CAAP1: variants seen among roughly 807,000 people sequenced by gnomAD.
CAAP1 encodes conserved anti-apoptotic protein.
A neutral mutation model predicts 34.0 loss-of-function variants in CAAP1; 20 were observed. The observed-to-expected ratio is 0.59, with a 90% CI of 0.41 to 0.86. The LOEUF (loss-of-function observed/expected upper bound fraction) is 0.86, where lower values mean the gene tolerates loss of function less well. Ranked by LOEUF, CAAP1 falls within the 40% of genes least tolerant of loss-of-function variation. CAAP1 has a pLI of 0.00. For missense variants in CAAP1, 538 were observed against 450.5 expected (o/e 1.19, Z -1.76); for synonymous variants, 213 against 166.7 (o/e 1.28, Z -2.14).
intron 5 of CAAP1, among the ~76,000 whole-genome samples, chr9:26,855,309 T>C (rs1313115845): frequency 6.6e-6 from 1 of 152,144 alleles, no homozygotes; most frequent in African/African-American, 2.4e-5. Flanking sequence ...CGATCAGTGG[T>C]TGTCAGGAGT....
chr9:26,881,632 A>G (rs1276481933), intron 4 of CAAP1, among the ~76,000 whole-genome samples: 2 of 152,192 alleles, frequency 1.3e-5, no homozygotes, highest in Non-Finnish European at 2.9e-5. Context: ...TTTCCTTATA[A>G]ATTACCCAGT....
chr9:26,877,052 G>C (rs1381998632), intron 4 of CAAP1, among the ~76,000 whole-genome samples: 2 of 152,108 alleles, frequency 1.3e-5, no homozygotes, highest in Non-Finnish European at 2.9e-5. Context: ...TGCTTGGGAA[G>C]CTGAGGCGGA....
intron 5 of CAAP1, among the ~76,000 whole-genome samples, chr9:26,857,013 A>G (rs971190397): frequency 5.3e-5 from 8 of 152,254 alleles, no homozygotes; most frequent in Non-Finnish European, 2.9e-5. Flanking sequence ...CTATTGCTGA[A>G]TGTCTTGAGT....
chr9:26,867,220 C>G (rs963748946), intron 4 of CAAP1, among the ~76,000 whole-genome samples: 1 of 152,136 alleles, frequency 6.6e-6, no homozygotes, highest in East Asian at 1.9e-4. Flanking sequence ...GCTTGGGGAT[C>G]GCTGCTCTAT....
intron 1 of CAAP1, 143 bp from the exon 2 acceptor site, chr9:26,887,656 T>C (rs1823781145): frequency 3.4e-6 from 2 of 583,742 alleles, no homozygotes; most frequent in Admixed American, 3.5e-5. Flanking sequence ...ATCAAAACCA[T>C]AGGAGAGAAT....
At chr9:26,889,214 C>G (rs779777791) in intron 1 of CAAP1, among the ~76,000 whole-genome samples, 1 of 151,758 alleles carries the variant, frequency 6.6e-6, no homozygotes, top group Non-Finnish European at 1.5e-5. Context: ...GTCAGCTGTT[C>G]GAGACCAGCC....
chr9:26,880,301 C>A (rs1014500140), intron 4 of CAAP1: 4 of 359,588 alleles, frequency 1.1e-5, no homozygotes, highest in East Asian at 9.2e-5. Flanking sequence ...TCTGGACGCA[C>A]TGGTCTGATT....
intron 4 of CAAP1, among the ~76,000 whole-genome samples, chr9:26,879,995 A>G (rs1004969901): frequency 3.3e-5 from 5 of 150,684 alleles, no homozygotes; most frequent in Admixed American, 2.7e-4. Flanking sequence ...CATATATCCT[A>G]TTAGTTCTGT....
At chr9:26,848,147 G>A (rs1325698514) in intron 5 of CAAP1, among the ~76,000 whole-genome samples, 4 of 152,222 alleles carry the variant, frequency 2.6e-5, no homozygotes, top group Admixed American at 2.0e-4. Flanking sequence ...GTCCTATCAA[G>A]GTTTAAATAC....
chr9:26,860,360 T>C (rs7868158), intron 5 of CAAP1, among the ~76,000 whole-genome samples: 44,211 of 152,038 alleles, frequency 0.29, 7,693 homozygotes, highest in East Asian at 0.73. Context: ...CAATAAATGA[T>C]GAAGAAAGTA....
At chr9:26,888,621 A>G (rs996337087) in intron 1 of CAAP1, among the ~76,000 whole-genome samples, 1 of 152,258 alleles carries the variant, frequency 6.6e-6, no homozygotes, top group Admixed American at 6.5e-5. Context: ...TTACAATGTA[A>G]TAATGTAGAG....
intron 1 of CAAP1, among the ~76,000 whole-genome samples, chr9:26,891,224 TAAG>T (rs1225063569): frequency 1.3e-5 from 2 of 152,136 alleles, no homozygotes; most frequent in South Asian, 2.1e-4. Context: ...GAAAATTACA[TAAG>T]AAGAAATCAA....
chr9:26,886,350 A>C (rs1289062287), intron 2 of CAAP1, among the ~76,000 whole-genome samples, 162 bp from the exon 3 acceptor site: 1 of 152,210 alleles, frequency 6.6e-6, no homozygotes. Flanking sequence ...TGAAATCTGA[A>C]AAACTGCCAG....
chr9:26,881,340 CT>C (rs1409146800), intron 4 of CAAP1, among the ~76,000 whole-genome samples: 2 of 152,218 alleles, frequency 1.3e-5, no homozygotes, highest in Non-Finnish European at 2.9e-5. Context: ...TATACTTTTG[CT>C]GTGTCCCCAC....
At chr9:26,881,431 G>C (rs769525169) in intron 4 of CAAP1, among the ~76,000 whole-genome samples, 1 of 152,136 alleles carries the variant, frequency 6.6e-6, no homozygotes, top group Non-Finnish European at 1.5e-5. Context: ...CTGAATCATG[G>C]GGGCAGTTTC....
intron 1 of CAAP1, among the ~76,000 whole-genome samples, chr9:26,891,270 CACTA>C (rs1169146943): frequency 6.6e-6 from 1 of 152,070 alleles, no homozygotes; most frequent in East Asian, 1.9e-4. Flanking sequence ...TGTTCAATCT[CACTA>C]ATAAGGAAAA....
intron 4 of CAAP1, among the ~76,000 whole-genome samples, chr9:26,874,232 A>G (rs1293503795): frequency 6.8e-6 from 1 of 146,508 alleles, no homozygotes; most frequent in Non-Finnish European, 1.5e-5. Context: ...AAAAAAAAAA[A>G]ATTTTTTTTA....
At position 26,874,337 on chromosome 9, in the gene CAAP1, A is replaced by G. The variant is rs1587116161; in HGVS notation, c.665+10473T>C. The stretch of plus-strand genomic sequence containing the variant: ...ATGATGAAATCTGCATAACTGGAAT[A>G]TCCATCATCTCAAACTCAACATTTC... On this transcript the variant is annotated intron_variant, in intron 4 of 5. Transcript: ENST00000333916. Among the ~76,000 whole-genome samples the G allele has an allele frequency of 2.0e-5, 3 of 152,050 alleles. No homozygotes were observed. In the South Asian group the frequency reaches 6.2e-4, roughly 32 times the overall value.
At chr9:26,864,007 G>A (rs1040671990) in intron 4 of CAAP1, among the ~76,000 whole-genome samples, 2 of 152,064 alleles carry the variant, frequency 1.3e-5, no homozygotes, top group Admixed American at 1.3e-4. Context: ...AGTTGTTCTT[G>A]AACTCCTTGG....
Sources: allele counts gnomAD v4.1 joint callset (sites outside exome capture counted in the v4.1 genomes callset), GRCh38; gene constraint gnomAD v4.1.1; transcripts MANE v1.5; gene names NCBI Gene and HGNC (gene_info 2026-07-23, HGNC 2026-07-21).